Variants in TXNRD3 observed in about 807,000 individuals in gnomAD.
TXNRD3 encodes the protein TXNRD3 neighbor gene protein.
In TXNRD3, 68 loss-of-function variants were observed where a neutral mutation model predicts 78.2. That is an observed-to-expected ratio of 0.87 (90% CI 0.72 to 1.06). TXNRD3 has a LOEUF of 1.06. TXNRD3 is among the 50% of genes least tolerant of loss of function. The pLI, the probability that TXNRD3 is intolerant of heterozygous loss-of-function variation, is 0.00. For synonymous variants in TXNRD3, 296 were observed against 300.1 expected (o/e 0.99, Z 0.14); for missense variants, 751 against 809.5 (o/e 0.93, Z 0.88).
At position 126,621,860 on chromosome 3, in the gene TXNRD3, T is replaced by C. The variant is rs766386461; in HGVS notation, c.1406A>G (p.Asn469Ser). 3.9e-6 allele frequency: 6 copies of C among 1,532,554 alleles called. No homozygotes were observed. Among genetic ancestry groups the C allele is most frequent in the African/African-American group, 2.7e-5 (2 of 72,892 alleles). The allele number at this position is 1,532,554 out of a possible 1,614,324, so 94.9% of individuals were successfully genotyped here. Residue 469 changes from asparagine to serine, a missense_variant, in exon 12 of 16, where the codon AAT becomes AGT. By Grantham distance (46) the Asn-to-Ser change is conservative. Coordinates refer to ENST00000524230, the MANE Select transcript of TXNRD3 (RefSeq NM_052883.3). ...ACCAACAGCATAGACATATGGCACA[T>C]TGGTCTGTTCCACATCATTTACAGG...
intron 10 of TXNRD3, chr3:126,626,206 G>A (rs560704948): frequency 6.6e-6 from 1 of 152,252 alleles, no homozygotes; most frequent in Non-Finnish European, 1.5e-5. Context: ...GCTTCAGGAA[G>A]CAAACAAAGG....
At chr3:126,631,414 C>T (rs547162293) in intron 8 of TXNRD3, among the ~76,000 whole-genome samples, 15 of 152,080 alleles carry the variant, frequency 9.9e-5, no homozygotes, top group African/African-American at 3.1e-4. Flanking sequence ...AGTGGTGCTG[C>T]TCCTCCCCAG....
intron 14 of TXNRD3, chr3:126,609,184 T>C: frequency 2.3e-6 from 1 of 444,296 alleles, no homozygotes; most frequent in Non-Finnish European, 4.6e-6. Context: ...ACGGTAACGG[T>C]GCATTCTAGG....
chr3:126,626,295 A>G (rs1938577751), intron 10 of TXNRD3, among the ~76,000 whole-genome samples: 1 of 152,228 alleles, frequency 6.6e-6, no homozygotes, highest in African/African-American at 2.4e-5. Context: ...AAATACTAAT[A>G]AAATTGAACT....
chr3:126,644,525 A>C (rs1208987890), intron 3 of TXNRD3, 124 bp from the exon 4 acceptor site: 4 of 696,568 alleles, frequency 5.7e-6, no homozygotes, highest in Non-Finnish European at 9.3e-6. Context: ...TCTATAATTC[A>C]TCTAAGTTGG....
At chr3:126,632,018 TAAGCAC>T (rs1172714317) in intron 7 of TXNRD3, 139 bp from the exon 8 acceptor site, 5 of 629,352 alleles carry the variant, frequency 7.9e-6, no homozygotes, top group Non-Finnish European at 1.4e-5. Flanking sequence ...TGCAATGTGA[TAAGCAC>T]AAGCACAGAA....
At chr3:126,631,315 G>C (rs1163035260) in intron 8 of TXNRD3, among the ~76,000 whole-genome samples, 1 of 152,010 alleles carries the variant, frequency 6.6e-6, no homozygotes, top group Non-Finnish European at 1.5e-5. Flanking sequence ...TTCTTAATGT[G>C]AGTCAGCTCA....
intron 10 of TXNRD3, 26 bp downstream of exon 10, chr3:126,629,353 T>G: frequency 6.9e-7 from 1 of 1,441,548 alleles, no homozygotes; most frequent in Non-Finnish European, 9.4e-7. Flanking sequence ...GTTCAATAAC[T>G]TAGTAATGAT....
intron 9 of TXNRD3, 124 bp from the exon 10 acceptor site, chr3:126,629,595 T>C (rs896786452): frequency 2.2e-5 from 14 of 633,242 alleles, no homozygotes; most frequent in Admixed American, 3.4e-5. Context: ...TAATAGGTGT[T>C]AGTATAAGGT....
At chr3:126,633,259 G>A (rs968447069) in intron 7 of TXNRD3, among the ~76,000 whole-genome samples, 2 of 152,100 alleles carry the variant, frequency 1.3e-5, no homozygotes, top group Admixed American at 1.3e-4. Flanking sequence ...GCATTGAAGG[G>A]CAGCTTTAAA....
chr3:126,612,541 C>CA (rs1300001217), intron 13 of TXNRD3, among the ~76,000 whole-genome samples: 1 of 152,068 alleles, frequency 6.6e-6, no homozygotes, highest in African/African-American at 2.4e-5. Flanking sequence ...TGCAGTGGCA[C>CA]AAACTCGGCT....
intron 12 of TXNRD3, among the ~76,000 whole-genome samples, chr3:126,619,666 A>C (rs1018959765): frequency 4.6e-5 from 7 of 152,224 alleles, no homozygotes; most frequent in African/African-American, 1.7e-4. Flanking sequence ...GGTGAACATA[A>C]TTCACAAGAA....
At position 126,616,647 on chromosome 3, in the gene TXNRD3, C is replaced by T. The variant is rs144317488; in HGVS notation, c.1525-1185G>A. Among the ~76,000 whole-genome samples the T allele has an allele frequency of 1.1e-3, 162 of 152,168 alleles. 1 individual carries two copies. Among genetic ancestry groups the T allele is most frequent in the African/African-American group, 3.6e-3 (151 of 41,528 alleles). On this transcript the variant is annotated intron_variant, in intron 12 of 15. Coordinates refer to ENST00000524230, the MANE Select transcript of TXNRD3 (RefSeq NM_052883.3). ...ACCTCCAAATGCAGGCAGGCCCAGC[C>T]CTAGTATAGTTCTTTTTTTAGGTTC... is the stretch of plus-strand genomic sequence containing the variant.
At chr3:126,645,659 C>A (rs374923118) in intron 3 of TXNRD3, among the ~76,000 whole-genome samples, 3 of 152,170 alleles carry the variant, frequency 2.0e-5, no homozygotes, top group African/African-American at 7.2e-5. Flanking sequence ...CAATTTTTAT[C>A]TATCACTGCT....
chr3:126,632,307 T>C (rs769842918), intron 7 of TXNRD3, among the ~76,000 whole-genome samples: 1 of 152,188 alleles, frequency 6.6e-6, no homozygotes. Context: ...AAGGCCCTTA[T>C]GTCATCCTAA....
intron 10 of TXNRD3, among the ~76,000 whole-genome samples, chr3:126,624,125 A>T (rs1426642997): frequency 6.6e-6 from 1 of 152,194 alleles, no homozygotes; most frequent in Non-Finnish European, 1.5e-5. Context: ...GGAAAAACAT[A>T]TGAGGTTCAT....
intron 1 of TXNRD3, among the ~76,000 whole-genome samples, chr3:126,652,473 C>A (rs866240476): frequency 6.6e-6 from 1 of 152,156 alleles, no homozygotes; most frequent in Non-Finnish European, 1.5e-5. Flanking sequence ...TAAATCTGAC[C>A]GATTTTCTAC....
At chr3:126,652,243 A>T (rs1933408923) in intron 1 of TXNRD3, among the ~76,000 whole-genome samples, 1 of 152,094 alleles carries the variant, frequency 6.6e-6, no homozygotes, top group South Asian at 2.1e-4. Flanking sequence ...TGGGGTGGGG[A>T]GATGCTACAC....
intron 2 of TXNRD3, among the ~76,000 whole-genome samples, chr3:126,646,615 TA>T (rs1428104869): frequency 2.0e-5 from 3 of 152,170 alleles, no homozygotes. Context: ...CTTCCATCCC[TA>T]AAAATAAAAC....
Sources: gnomAD v4.1 joint callset for allele counts (sites outside exome capture counted in the v4.1 genomes callset) on GRCh38, gnomAD v4.1.1 for gene constraint, MANE v1.5 for transcripts, NCBI Gene and HGNC (gene_info 2026-07-23, HGNC 2026-07-21) for gene names.